REV3L: variants seen among roughly 807,000 people sequenced by gnomAD.
REV3L encodes the protein DNA polymerase zeta catalytic subunit.
REV3L carries 69 observed loss-of-function variants against 299.4 expected under a neutral mutation model. That is an observed-to-expected ratio of 0.23 (90% confidence interval 0.19 to 0.28). The LOEUF (loss-of-function observed/expected upper bound fraction) is 0.28. Among genes scored for constraint, REV3L ranks in the 10% least tolerant of loss-of-function variants. The probability of loss-of-function intolerance (pLI) is 1.00; values close to 1 mark genes in which losing one functional copy is unlikely to be tolerated. For missense variants in REV3L, 3,128 were observed against 3,693.8 expected (o/e 0.85, Z 3.97); for synonymous variants, 1,238 against 1,271.4 (o/e 0.97, Z 0.56).
chr6:111,426,137 C>A (rs571979012), intron 1 of REV3L, among the ~76,000 whole-genome samples: 10 of 152,228 alleles, frequency 6.6e-5, no homozygotes, highest in African/African-American at 2.4e-4. Flanking sequence ...CTGAAGTGAG[C>A]AGTACTATCG....
intron 1 of REV3L, among the ~76,000 whole-genome samples, chr6:111,425,310 T>A (rs1324022775): frequency 6.6e-6 from 1 of 151,560 alleles, no homozygotes; most frequent in African/African-American, 2.4e-5. Flanking sequence ...CAAAAAAAAA[T>A]TAGCCGGGTG....
intron 4 of REV3L, among the ~76,000 whole-genome samples, chr6:111,404,019 G>A (rs368109371): frequency 2.0e-5 from 3 of 152,308 alleles, no homozygotes; most frequent in East Asian, 1.9e-4. Context: ...TAAGATAACT[G>A]ATGAAGGTGG....
chr6:111,429,940 G>T (rs1786684429), intron 1 of REV3L, among the ~76,000 whole-genome samples: 1 of 152,084 alleles, frequency 6.6e-6, no homozygotes, highest in Admixed American at 6.5e-5. Context: ...AACTCTCCGT[G>T]GGCAGCTCGG....
At chr6:111,354,046 G>A (rs1777841040) in intron 18 of REV3L, 2 of 152,220 alleles carry the variant, frequency 1.3e-5, no homozygotes, top group African/African-American at 4.8e-5. Flanking sequence ...GAGTGGCTCA[G>A]AATAGGCATT....
chr6:111,324,936 A>T lies in REV3L; in HGVS notation c.8242-2258T>A, dbSNP rs541481576. On this transcript the variant is annotated intron_variant, in intron 25 of 31. Coordinates refer to ENST00000368802, the MANE Select transcript of REV3L (RefSeq NM_001372078.1). ...GAGTACAGTGGCGCAATCTCGGCTC[A>T]CTGCAACCTCTACCTCCCGGGTTCA... 2.0e-5 allele frequency among the ~76,000 whole-genome samples: 3 copies of T among 150,692 alleles called. No individual in the cohort carries two copies. In the South Asian group the frequency reaches 6.3e-4, roughly 32 times the overall value.
At chr6:111,302,788 G>C (rs1474457367) in intron 31 of REV3L, among the ~76,000 whole-genome samples, 1 of 152,088 alleles carries the variant, frequency 6.6e-6, no homozygotes, top group African/African-American at 2.4e-5. Flanking sequence ...TGTAATCCCA[G>C]CTACTCGGGA....
At chr6:111,473,299 A>C (rs1792480116) in intron 1 of REV3L, among the ~76,000 whole-genome samples, 1 of 151,566 alleles carries the variant, frequency 6.6e-6, no homozygotes, top group South Asian at 2.1e-4. Context: ...GGGCTCAGGC[A>C]ATCTTCCTGC....
intron 1 of REV3L, among the ~76,000 whole-genome samples, chr6:111,417,181 G>A (rs1359705757): frequency 6.6e-6 from 1 of 152,140 alleles, no homozygotes; most frequent in Non-Finnish European, 1.5e-5. Context: ...TGCAGAAGGG[G>A]TAAATGGTGC....
intron 1 of REV3L, among the ~76,000 whole-genome samples, chr6:111,449,165 A>G (rs564493723): frequency 1.3e-5 from 2 of 152,332 alleles, no homozygotes; most frequent in East Asian, 3.9e-4. Context: ...ACAGAAAAGC[A>G]TGTAAATCAA....
rs778419344 is a variant in REV3L, at chr6:111,373,528, A to G, written c.4827T>C (p.Ser1609=). Residue 1609 remains serine, a synonymous_variant, in exon 13 of 32, where the codon TCT becomes TCC. Transcript: ENST00000368802. ...LKVDSLNLQN[S]SQLDNSVSDD... ...CTGATACAGAGTTATCCAACTGGCT[A>G]GAGTTTTGTAAATTTAAAGAGTCTA... 9.9e-6 allele frequency: 16 copies of G among 1,613,216 alleles called. No homozygotes were observed. In the South Asian group the frequency reaches 1.5e-4, roughly 16 times the overall value.
chr6:111,333,401 A>T, intron 22 of REV3L, 34 bp from the exon 23 acceptor site: 1 of 1,608,836 alleles, frequency 6.2e-7, no homozygotes, highest in Non-Finnish European at 8.5e-7. Context: ...AAGAGAAGAA[A>T]CACAGTTAAA....
At chr6:111,395,663 TC>T (rs1782417076) in intron 4 of REV3L, among the ~76,000 whole-genome samples, 1 of 152,152 alleles carries the variant, frequency 6.6e-6, no homozygotes, top group Non-Finnish European at 1.5e-5. Flanking sequence ...CAATTTGACC[TC>T]CTTTTTCCCA....
At chr6:111,397,901 T>C (rs950108218) in intron 4 of REV3L, among the ~76,000 whole-genome samples, 10 of 151,974 alleles carry the variant, frequency 6.6e-5, no homozygotes, top group African/African-American at 2.4e-4. Flanking sequence ...CTTCTCAAAG[T>C]GTCAGGCTTA....
chr6:111,325,622 T>C (rs1229757974), intron 25 of REV3L, among the ~76,000 whole-genome samples: 1 of 152,216 alleles, frequency 6.6e-6, no homozygotes. Flanking sequence ...TCCATTTGCC[T>C]CCCGCTTTTA....
At chr6:111,406,530 A>G (rs929832796) in intron 3 of REV3L, among the ~76,000 whole-genome samples, 14 of 152,222 alleles carry the variant, frequency 9.2e-5, no homozygotes, top group Admixed American at 4.6e-4. Context: ...GATGGTGGCT[A>G]TAACAAGGAT....
In REV3L at chr6:111,416,418, T is replaced by C. The variant is rs1475706918; in HGVS notation, c.194A>G (p.Tyr65Cys). 1 of 1,613,762 alleles carries C rather than the reference T, an allele frequency of 6.2e-7. No individual in the cohort carries two copies. Among genetic ancestry groups the C allele is most frequent in the African/African-American group, 1.3e-5 (1 of 74,934 alleles). The change falls in exon 2 of 32, where the codon TAC becomes TGC. Residue 65 changes from tyrosine (Y) to cysteine (C), a missense_variant. Physicochemically the swap from Tyr to Cys is radical, Grantham distance 194 (BLOSUM62 -2). Transcript: ENST00000368802. ...HGIFPYLYVP[Y>C]DGYGQQPESY... Reference sequence around the variant, plus strand: ...TTCTGGCTGCTGTCCATAACCATCGTATGGCACATAGAGGTAAGGAAAGAT... The same window carrying C: ...TTCTGGCTGCTGTCCATAACCATCGCATGGCACATAGAGGTAAGGAAAGAT...
intron 1 of REV3L, among the ~76,000 whole-genome samples, chr6:111,467,508 G>C (rs995556034): frequency 1.3e-5 from 2 of 152,172 alleles, no homozygotes; most frequent in African/African-American, 4.8e-5. Flanking sequence ...AAATTATATA[G>C]CTGGCCCTCC....
At chr6:111,317,936 C>T (rs1773707596) in intron 26 of REV3L, among the ~76,000 whole-genome samples, 1 of 152,176 alleles carries the variant, frequency 6.6e-6, no homozygotes, top group Non-Finnish European at 1.5e-5. Flanking sequence ...CATTGTTGAG[C>T]AGTATTCCAC....
At chr6:111,475,857 C>CT (rs1348863280) in intron 1 of REV3L, among the ~76,000 whole-genome samples, 1 of 152,074 alleles carries the variant, frequency 6.6e-6, no homozygotes, top group Non-Finnish European at 1.5e-5. Context: ...ATTACCCTAC[C>CT]TTTTTTGTTT....
Sources: gnomAD v4.1 joint callset for allele counts (sites outside exome capture counted in the v4.1 genomes callset) on GRCh38, gnomAD v4.1.1 for gene constraint, MANE v1.5 for transcripts, NCBI Gene and HGNC (gene_info 2026-07-23, HGNC 2026-07-21) for gene names.